Variants in GPM6A observed in about 807,000 individuals in gnomAD.
The protein encoded by GPM6A is glycoprotein M6A, also known as neuronal membrane glycoprotein M6-a.
A neutral mutation model predicts 32.1 loss-of-function variants in GPM6A; 7 were observed. The observed-to-expected ratio is 0.22, with a 90% CI of 0.12 to 0.41. The LOEUF (loss-of-function observed/expected upper bound fraction) is 0.41, where lower values mean the gene tolerates loss of function less well. Ranked by LOEUF, GPM6A falls within the 10% of genes least tolerant of loss-of-function variation. The pLI is 1.00. For synonymous variants in GPM6A, 130 were observed against 123.4 expected (o/e 1.05, Z -0.35); for missense variants, 235 against 347.2 (o/e 0.68, Z 2.57).
chr4:175,891,131 T>A (rs1737636043), intron 1 of GPM6A, among the ~76,000 whole-genome samples: 1 of 152,112 alleles, frequency 6.6e-6, no homozygotes. Context: ...TACATCAACA[T>A]CAGACAAAGC....
At chr4:175,761,369 G>A (rs1218524671) in intron 1 of GPM6A, among the ~76,000 whole-genome samples, 4 of 152,144 alleles carry the variant, frequency 2.6e-5, no homozygotes, top group South Asian at 2.1e-4. Context: ...TGGGATTACA[G>A]GCATGAGCCA....
intron 1 of GPM6A, among the ~76,000 whole-genome samples, chr4:175,961,546 T>C (rs1740162841): frequency 6.6e-6 from 1 of 152,154 alleles, no homozygotes; most frequent in Admixed American, 6.5e-5. Flanking sequence ...TATGAATTGC[T>C]GGAGACTCAG....
intron 1 of GPM6A, among the ~76,000 whole-genome samples, chr4:175,818,974 T>A (rs1735196120): frequency 6.6e-6 from 1 of 152,220 alleles, no homozygotes; most frequent in Non-Finnish European, 1.5e-5. Flanking sequence ...ACTTACCCTT[T>A]TATAGAAAGA....
At chr4:175,827,329 C>T (rs1370343402) in intron 1 of GPM6A, among the ~76,000 whole-genome samples, 2 of 152,148 alleles carry the variant, frequency 1.3e-5, no homozygotes, top group Non-Finnish European at 2.9e-5. Context: ...CTTATATATG[C>T]CAACCGCAGG....
chr4:175,710,351 T>C (rs1745460412), intron 1 of GPM6A, among the ~76,000 whole-genome samples: 1 of 152,170 alleles, frequency 6.6e-6, no homozygotes, highest in Non-Finnish European at 1.5e-5. Flanking sequence ...CTAATTCTGA[T>C]TTGAGTGAAT....
At chr4:175,996,191 G>T (rs1377481088) in intron 1 of GPM6A, among the ~76,000 whole-genome samples, 1 of 152,076 alleles carries the variant, frequency 6.6e-6, no homozygotes, top group Non-Finnish European at 1.5e-5. Context: ...TGGGAGAAAG[G>T]CCTCGATTTT....
intron 1 of GPM6A, among the ~76,000 whole-genome samples, chr4:175,851,366 T>C (rs546931078): frequency 2.0e-5 from 3 of 151,618 alleles, no homozygotes; most frequent in Non-Finnish European, 4.4e-5. Flanking sequence ...ACGCCAGTAA[T>C]CCCAGCTACT....
At chr4:175,639,658 C>T (rs1425236934) in intron 6 of GPM6A, among the ~76,000 whole-genome samples, 3 of 152,042 alleles carry the variant, frequency 2.0e-5, no homozygotes, top group African/African-American at 7.2e-5. Context: ...TAAAGACTGG[C>T]TCTTAATATT....
At position 175,799,686 on chromosome 4, in the gene GPM6A, G is replaced by A. The variant is rs1319853190; in HGVS notation, c.37+12505C>T. Among the ~76,000 whole-genome samples, 5 of 35,958 alleles carry A rather than the reference G, an allele frequency of 1.4e-4. 1 individual carries two copies. The highest frequency in any genetic ancestry group is 2.7e-4 in the Admixed American group (1 of 3,698). The allele number at this position is 35,958 out of a possible 152,430, so 23.6% of individuals were successfully genotyped here. ...CAAGTGTTTTCTTTTTTTTTTTTTT[G>A]AGACGGAGTCTCGCTCTGTCGCCCA... On this transcript the variant is annotated intron_variant, in intron 1 of 6. Coordinates refer to ENST00000393658, the MANE Select transcript of GPM6A (RefSeq NM_201591.3).
At chr4:175,785,247 G>A (rs1001506361) in intron 1 of GPM6A, among the ~76,000 whole-genome samples, 10 of 152,090 alleles carry the variant, frequency 6.6e-5, no homozygotes, top group East Asian at 1.9e-4. Context: ...ATTCTGGCGC[G>A]GAGTCTCAGC....
intron 1 of GPM6A, among the ~76,000 whole-genome samples, chr4:175,867,827 C>T (rs1736787489): frequency 6.6e-6 from 1 of 152,150 alleles, no homozygotes; most frequent in Admixed American, 6.6e-5. Context: ...GGGGTATTTC[C>T]CTTCCCCCAG....
intron 2 of GPM6A, among the ~76,000 whole-genome samples, chr4:175,684,261 T>G (rs555589833): frequency 6.6e-6 from 1 of 152,350 alleles, no homozygotes; most frequent in South Asian, 2.1e-4. Flanking sequence ...TTGGCTTTGC[T>G]TATGGCATTT....
At chr4:175,904,589 C>T (rs1051123567) in intron 1 of GPM6A, among the ~76,000 whole-genome samples, 4 of 152,118 alleles carry the variant, frequency 2.6e-5, no homozygotes, top group Admixed American at 6.6e-5. Context: ...TGGCACTCAA[C>T]ACTGGTAACC....
chr4:175,771,340 G>C (rs1021766903), intron 1 of GPM6A, among the ~76,000 whole-genome samples: 1 of 152,002 alleles, frequency 6.6e-6, no homozygotes, highest in African/African-American at 2.4e-5. Context: ...TTGGGAGGCC[G>C]AGACAGGGGG....
chr4:175,703,011 A>G (rs1744964301), intron 1 of GPM6A, among the ~76,000 whole-genome samples: 1 of 152,192 alleles, frequency 6.6e-6, no homozygotes, highest in Admixed American at 6.5e-5. Context: ...TGCCAAATTT[A>G]TTCTTTTGAG....
rs541503357 is a variant in GPM6A, at chr4:175,656,675, A to G, written c.388-4688T>C. Reference sequence around the variant, plus strand: ...ATTTAACTTGAAAATAACTTGTAAAATGTAATTGGTTTTTCATCTGAACTC... The same window carrying G: ...ATTTAACTTGAAAATAACTTGTAAAGTGTAATTGGTTTTTCATCTGAACTC... On this transcript the variant is annotated intron_variant, in intron 3 of 6. Coordinates refer to ENST00000393658, the MANE Select transcript of GPM6A (RefSeq NM_201591.3). Among the ~76,000 whole-genome samples, 3 of 152,248 alleles carry G rather than the reference A, an allele frequency of 2.0e-5. No individual in the cohort carries two copies. In the South Asian group the frequency reaches 6.2e-4, roughly 32 times the overall value.
intron 1 of GPM6A, among the ~76,000 whole-genome samples, chr4:175,933,839 C>T (rs771131968): frequency 1.5e-4 from 23 of 152,124 alleles, no homozygotes; most frequent in Admixed American, 2.0e-4. Flanking sequence ...CCACTGCGCC[C>T]GGCCAGAAGT....
At chr4:175,984,285 T>C (rs1036593960) in intron 1 of GPM6A, among the ~76,000 whole-genome samples, 3 of 151,916 alleles carry the variant, frequency 2.0e-5, no homozygotes, top group Non-Finnish European at 4.4e-5. Context: ...GCCTCAGCCT[T>C]CCGAGTAGCT....
At chr4:175,736,393 C>G (rs1361668719) in intron 1 of GPM6A, among the ~76,000 whole-genome samples, 1 of 152,190 alleles carries the variant, frequency 6.6e-6, no homozygotes, top group African/African-American at 2.4e-5. Flanking sequence ...ATAGAGTCTT[C>G]ACCTCCGAGG....
Sources: allele counts gnomAD v4.1 joint callset (sites outside exome capture counted in the v4.1 genomes callset), GRCh38; gene constraint gnomAD v4.1.1; transcripts MANE v1.5; gene names NCBI Gene and HGNC (gene_info 2026-07-23, HGNC 2026-07-21).